Variants in PDPR observed in about 807,000 individuals in gnomAD.
PDPR encodes pyruvate dehydrogenase phosphatase regulatory subunit.
PDPR carries 50 observed loss-of-function variants against 102.2 expected under a neutral mutation model. That is an observed-to-expected ratio of 0.49 (90% CI 0.39 to 0.62). The LOEUF is 0.62. PDPR is among the 20% of genes least tolerant of loss of function. PDPR has a pLI of 0.00. For synonymous variants in PDPR, 259 were observed against 406.0 expected (o/e 0.64, Z 4.35); for missense variants, 625 against 1,098.2 (o/e 0.57, Z 6.09).
At chr16:70,151,508 CTT>C (rs1966738674) in intron 17 of PDPR, among the ~76,000 whole-genome samples, 1 of 152,294 alleles carries the variant, frequency 6.6e-6, no homozygotes, top group Admixed American at 6.5e-5. Context: ...TTGTTCAAGA[CTT>C]GGGAAGAATT....
chr16:70,143,276 C>G (rs1298995523), intron 13 of PDPR, among the ~76,000 whole-genome samples: 1 of 152,124 alleles, frequency 6.6e-6, no homozygotes, highest in Non-Finnish European at 1.5e-5. Context: ...TAACATTTTT[C>G]TGAAATTTTA....
chr16:70,137,875 C>T (rs1567542627), intron 10 of PDPR, among the ~76,000 whole-genome samples: 1 of 152,238 alleles, frequency 6.6e-6, no homozygotes, highest in Non-Finnish European at 1.5e-5. Context: ...ATAGATGAGG[C>T]TTATAACTTT....
At chr16:70,154,837 C>T (rs1394254271) in intron 18 of PDPR, among the ~76,000 whole-genome samples, 2 of 152,238 alleles carry the variant, frequency 1.3e-5, no homozygotes, top group African/African-American at 4.8e-5. Flanking sequence ...CAGAGTTTCA[C>T]CACATTGGCC....
chr16:70,144,781 C>G (rs2152109112), intron 15 of PDPR, among the ~76,000 whole-genome samples: 1 of 152,318 alleles, frequency 6.6e-6, no homozygotes, highest in East Asian at 1.9e-4. Context: ...ATGGTGAAAC[C>G]CCGTCTCTAC....
intron 17 of PDPR, 106 bp from the exon 18 acceptor site, chr16:70,153,285 T>G: frequency 8.1e-7 from 1 of 1,236,552 alleles, no homozygotes; most frequent in Non-Finnish European, 1.1e-6. Context: ...TTTATACGCC[T>G]CCTCTCTTGT....
At chr16:70,155,336 C>T (rs1272052704) in intron 18 of PDPR, among the ~76,000 whole-genome samples, 1 of 152,158 alleles carries the variant, frequency 6.6e-6, no homozygotes, top group Non-Finnish European at 1.5e-5. Context: ...GGCTGGAGTG[C>T]AGTGGCGCGA....
chr16:70,156,667 C>T lies in PDPR; in HGVS notation c.2428C>T (p.Arg810Cys), dbSNP rs141395281. The change falls in exon 19 of 19, where the codon CGC becomes TGC. Residue 810 changes from arginine to cysteine, a missense_variant. Physicochemically the swap from Arg to Cys is radical, Grantham distance 180. Coordinates refer to ENST00000288050, the MANE Select transcript of PDPR (RefSeq NM_017990.5). The stretch of plus-strand genomic sequence containing the variant: ...CAGTGCCTACAGCTACAGCCTGGAG[C>T]GCCACGTTTGCCTGGGCTTTGTGCA... ...TSSAYSYSLERHVCLGFVHNF... is the reference protein window; with the variant it reads ...TSSAYSYSLECHVCLGFVHNF... 5.0e-3 allele frequency: 7,988 copies of T among 1,610,076 alleles called. 2 individuals are homozygous for T. The highest frequency in any genetic ancestry group is 0.022 in the Middle Eastern group (129 of 5,986).
chr16:70,157,172 A>C lies in PDPR; in HGVS notation c.*293A>C. 1.6e-6 allele frequency: 1 copy of C among 628,586 alleles called. No homozygotes were observed. Among genetic ancestry groups the C allele is most frequent in the South Asian group, 1.5e-5 (1 of 65,978 alleles). 38.9% of individuals were successfully genotyped at this position (628,586 alleles called of 1,614,324 possible). Reference sequence around the variant, plus strand: ...GTCTGACAGGACAGAAGCAAGCTCCACTGTGGACATGAGTGATGGTGACAG... The same window carrying C: ...GTCTGACAGGACAGAAGCAAGCTCCCCTGTGGACATGAGTGATGGTGACAG... On this transcript the variant is annotated 3_prime_UTR_variant, in exon 19 of 19. Coordinates refer to ENST00000288050, the MANE Select transcript of PDPR (RefSeq NM_017990.5).
intron 15 of PDPR, chr16:70,145,782 C>T (rs1320039543): frequency 8.5e-6 from 4 of 472,678 alleles, no homozygotes; most frequent in Admixed American, 5.2e-5. Context: ...GTGGATTTAG[C>T]TTCTCTGAAT....
intron 2 of PDPR, among the ~76,000 whole-genome samples, chr16:70,119,336 C>G (rs1322586447): frequency 6.6e-6 from 1 of 152,018 alleles, no homozygotes; most frequent in Non-Finnish European, 1.5e-5. Context: ...ATCCCCCAAC[C>G]CCCCACCGCC....
chr16:70,135,490 G>C (rs1277535572), intron 9 of PDPR, among the ~76,000 whole-genome samples: 1 of 152,242 alleles, frequency 6.6e-6, no homozygotes, highest in Non-Finnish European at 1.5e-5. Context: ...GCCCACCTTG[G>C]CCTCCCAAAG....
chr16:70,150,531 A>ATT (rs71151175), intron 17 of PDPR, among the ~76,000 whole-genome samples: 12 of 138,322 alleles, frequency 8.7e-5, no homozygotes, highest in South Asian at 2.2e-4. Flanking sequence ...TTTTCTCTTA[A>ATT]TTTTTTTTTT....
At chr16:70,153,664 AGGG>A in intron 18 of PDPR, 91 bp downstream of exon 18, 2 of 1,348,970 alleles carry the variant, frequency 1.5e-6, no homozygotes, top group Non-Finnish European at 2.0e-6. Flanking sequence ...TGACAGGAAA[AGGG>A]GGAAAAGATT....
intron 3 of PDPR, among the ~76,000 whole-genome samples, chr16:70,122,709 G>A (rs1337766297): frequency 1.3e-5 from 2 of 152,226 alleles, no homozygotes; most frequent in Non-Finnish European, 2.9e-5. Flanking sequence ...GACAACTGTT[G>A]CCTGAGTCAG....
intron 17 of PDPR, among the ~76,000 whole-genome samples, chr16:70,152,249 T>A (rs1966793303): frequency 1.3e-5 from 2 of 152,282 alleles, no homozygotes; most frequent in Admixed American, 1.3e-4. Context: ...CCCGGCACGG[T>A]GGCTCATGTC....
chr16:70,123,499 A>G (rs1402884030), intron 3 of PDPR, among the ~76,000 whole-genome samples: 1 of 152,250 alleles, frequency 6.6e-6, no homozygotes, highest in Non-Finnish European at 1.5e-5. Flanking sequence ...CAACCTCCCA[A>G]AGTACTGGGG....
At chr16:70,141,352 AG>A (rs1965694593) in intron 11 of PDPR, among the ~76,000 whole-genome samples, 2 of 152,248 alleles carry the variant, frequency 1.3e-5, no homozygotes, top group African/African-American at 4.8e-5. Flanking sequence ...ACCCGGCCTA[AG>A]AGAAATGAAT....
chr16:70,155,318 G>C (rs1039959723), intron 18 of PDPR, among the ~76,000 whole-genome samples: 3 of 115,974 alleles, frequency 2.6e-5, no homozygotes, highest in African/African-American at 6.5e-5. Context: ...TTTCGTTCTT[G>C]TTGTCCAGGC....
At chr16:70,126,385 G>A (rs1355148721) in intron 3 of PDPR, among the ~76,000 whole-genome samples, 1 of 152,100 alleles carries the variant, frequency 6.6e-6, no homozygotes, top group Non-Finnish European at 1.5e-5. Flanking sequence ...TTTTTTTGAG[G>A]CGGAGTCTCG....
Sources: gnomAD v4.1 joint callset for allele counts (sites outside exome capture counted in the v4.1 genomes callset) on GRCh38, gnomAD v4.1.1 for gene constraint, MANE v1.5 for transcripts, NCBI Gene and HGNC (gene_info 2026-07-23, HGNC 2026-07-21) for gene names.